The following CAMK2D variants were observed in gnomAD, a reference collection of about 807,000 sequenced individuals.
CAMK2D encodes the protein calcium/calmodulin-dependent protein kinase type II subunit delta.
Under a neutral mutation model 84.0 loss-of-function variants are expected in CAMK2D, and 37 were observed. The ratio of observed to expected loss-of-function variants is 0.44; its 90% CI spans 0.34 to 0.58. The LOEUF (loss-of-function observed/expected upper bound fraction) is 0.58. CAMK2D is among the 20% of genes least tolerant of loss of function. The pLI, the probability that CAMK2D is intolerant of heterozygous loss-of-function variation, is 0.02. For missense variants in CAMK2D, 448 were observed against 652.5 expected (o/e 0.69, Z 3.41); for synonymous variants, 202 against 212.5 (o/e 0.95, Z 0.43).
At chr4:113,720,160 T>A (rs1278004242) in intron 2 of CAMK2D, among the ~76,000 whole-genome samples, 1 of 151,996 alleles carries the variant, frequency 6.6e-6, no homozygotes, top group Non-Finnish European at 1.5e-5. Flanking sequence ...TGTCTAGCAT[T>A]TGAAGGGGTC....
intron 16 of CAMK2D, among the ~76,000 whole-genome samples, chr4:113,490,139 T>G (rs1319782459): frequency 2.7e-5 from 4 of 147,184 alleles, no homozygotes; most frequent in Non-Finnish European, 4.5e-5. Context: ...AGAAGCTCTT[T>G]AGTTTAATTA....
Position 113,461,777 on chromosome 4 carries a change from T to C in CAMK2D, c.1212-1536A>G, listed in dbSNP as rs1463906633. Among the ~76,000 whole-genome samples the C allele has an allele frequency of 3.9e-5, 6 of 152,288 alleles. No individual in the cohort carries two copies. The East Asian group carries it at 7.7e-4, about 20-fold the overall frequency. On this transcript the variant is annotated intron_variant, in intron 17 of 20. Transcript: ENST00000511664. ...GGCCACATCTAATTTCATAGAGAAA[T>C]TCCCCATTTGGGTGGAGGGGGAGCA... is the stretch of plus-strand genomic sequence containing the variant.
At chr4:113,543,776 ATTTAT>A (rs2098547566) in intron 6 of CAMK2D, among the ~76,000 whole-genome samples, 1 of 123,858 alleles carries the variant, frequency 8.1e-6, no homozygotes, top group Non-Finnish European at 1.5e-5. Flanking sequence ...AAGTTTATTT[ATTTAT>A]TTATTTATTT....
chr4:113,705,592 C>T (rs1196769430), intron 2 of CAMK2D, among the ~76,000 whole-genome samples: 1 of 152,120 alleles, frequency 6.6e-6, no homozygotes, highest in African/African-American at 2.4e-5. Context: ...TATATGAGAA[C>T]ATTCTGTACT....
intron 2 of CAMK2D, among the ~76,000 whole-genome samples, chr4:113,738,229 T>C (rs1194632951): frequency 6.7e-6 from 1 of 150,224 alleles, no homozygotes; most frequent in Non-Finnish European, 1.5e-5. Flanking sequence ...AAAACTACTG[T>C]GAGAAAAAAC....
chr4:113,541,492 T>C (rs1424308913), intron 6 of CAMK2D, among the ~76,000 whole-genome samples: 1 of 152,212 alleles, frequency 6.6e-6, no homozygotes, highest in Non-Finnish European at 1.5e-5. Context: ...CAATAGCCTT[T>C]AGCATTAACC....
intron 2 of CAMK2D, among the ~76,000 whole-genome samples, chr4:113,742,675 T>A (rs1277695982): frequency 6.6e-6 from 1 of 152,114 alleles, no homozygotes; most frequent in East Asian, 1.9e-4. Context: ...GGAATACCAA[T>A]GCTTTTGGGA....
intron 2 of CAMK2D, among the ~76,000 whole-genome samples, chr4:113,698,900 CA>C (rs1409860298): frequency 6.6e-6 from 1 of 151,994 alleles, no homozygotes; most frequent in Admixed American, 6.6e-5. Flanking sequence ...TTAAGGACGC[CA>C]GGGGTGGAGA....
chr4:113,565,149 T>C (rs2098716318), intron 4 of CAMK2D, among the ~76,000 whole-genome samples: 1 of 152,166 alleles, frequency 6.6e-6, no homozygotes, highest in Admixed American at 6.5e-5. Context: ...AAGTCTATGA[T>C]TAGAAATGTT....
intron 2 of CAMK2D, among the ~76,000 whole-genome samples, chr4:113,709,746 GATATATAT>G (rs397995032): frequency 0.046 from 2,294 of 49,796 alleles, 324 homozygotes; most frequent in East Asian, 0.27. Flanking sequence ...AGCCGTGAAC[GATATATAT>G]ATATATATAT....
intron 4 of CAMK2D, among the ~76,000 whole-genome samples, chr4:113,590,777 G>A (rs1264501686): frequency 6.6e-6 from 1 of 152,028 alleles, no homozygotes; most frequent in African/African-American, 2.4e-5. Context: ...TAAAATAACT[G>A]GGACAGAATA....
chr4:113,646,540 G>A (rs888437565), intron 3 of CAMK2D, among the ~76,000 whole-genome samples: 2 of 152,182 alleles, frequency 1.3e-5, no homozygotes, highest in African/African-American at 4.8e-5. Context: ...GATGAGCAAA[G>A]GCCTGCAGGA....
chr4:113,470,049 G>A (rs1364957425), intron 16 of CAMK2D, among the ~76,000 whole-genome samples: 3 of 151,742 alleles, frequency 2.0e-5, no homozygotes, highest in Non-Finnish European at 4.4e-5. Context: ...TATCTCTTCA[G>A]ATAACCTTCT....
At chr4:113,705,861 C>T (rs138695070) in intron 2 of CAMK2D, among the ~76,000 whole-genome samples, 8 of 152,270 alleles carry the variant, frequency 5.3e-5, no homozygotes, top group African/African-American at 1.7e-4. Context: ...ACCATTCTAT[C>T]AGTCTCAGTG....
intron 3 of CAMK2D, among the ~76,000 whole-genome samples, chr4:113,628,844 T>C (rs1276071471): frequency 2.0e-5 from 3 of 152,086 alleles, no homozygotes; most frequent in African/African-American, 7.2e-5. Flanking sequence ...AAAATGCTTT[T>C]GAACTAAGTT....
chr4:113,466,303 A>AT (rs1281776166), intron 16 of CAMK2D, among the ~76,000 whole-genome samples: 1 of 151,642 alleles, frequency 6.6e-6, no homozygotes, highest in Non-Finnish European at 1.5e-5. Flanking sequence ...ATAAAATAAA[A>AT]TAAAATTAGT....
At position 113,637,769 on chromosome 4, in the gene CAMK2D, A is replaced by AT. The variant is rs538927817; in HGVS notation, c.220+23943dup. On this transcript the variant is annotated intron_variant, in intron 3 of 20. Transcript: ENST00000511664. ...TTTCCTAGAAACTATAAAAGTACAC[A>AT]TTTTTTTTTAATCCATAGGTTGGTT... 5.0e-3 allele frequency among the ~76,000 whole-genome samples: 752 copies of AT among 151,484 alleles called. 2 individuals carry two copies. Among genetic ancestry groups the AT allele is most frequent in the African/African-American group, 0.017 (716 of 41,330 alleles).
chr4:113,459,145 T>C (rs2097340123), intron 18 of CAMK2D, among the ~76,000 whole-genome samples: 1 of 152,206 alleles, frequency 6.6e-6, no homozygotes, highest in Admixed American at 6.6e-5. Context: ...CACATATGCT[T>C]GAAAGCACTC....
intron 3 of CAMK2D, among the ~76,000 whole-genome samples, chr4:113,622,986 T>C (rs1314877274): frequency 6.6e-6 from 1 of 152,166 alleles, no homozygotes; most frequent in Non-Finnish European, 1.5e-5. Context: ...AGAGTGTTTT[T>C]ATATAGTCCA....
Sources: allele counts gnomAD v4.1 joint callset (sites outside exome capture counted in the v4.1 genomes callset), GRCh38; gene constraint gnomAD v4.1.1; transcripts MANE v1.5; gene names NCBI Gene and HGNC (gene_info 2026-07-23, HGNC 2026-07-21).